IFT172: variants seen among roughly 807,000 people sequenced by gnomAD.
IFT172 encodes the protein intraflagellar transport protein 172 homolog.
IFT172 carries 164 observed loss-of-function variants against 248.9 expected under a neutral mutation model. The observed-to-expected ratio is 0.66, with a 90% CI of 0.58 to 0.75. The LOEUF is 0.75. Among genes scored for constraint, IFT172 ranks in the 30% least tolerant of loss-of-function variants. IFT172 has a pLI of 0.00. For missense variants in IFT172, 1,950 were observed against 2,192.4 expected (o/e 0.89, Z 2.21); for synonymous variants, 729 against 791.6 (o/e 0.92, Z 1.33).
Position 27,458,816 on chromosome 2 carries a change from A to AT in IFT172, c.2839dup (p.Met947AsnfsTer43). The AT allele has an allele frequency of 1.2e-6, 2 of 1,614,150 alleles. No homozygotes were observed. Among genetic ancestry groups the AT allele is most frequent in the East Asian group, 4.5e-5 (2 of 44,872 alleles). On this transcript the variant is annotated frameshift_variant, in exon 26 of 48. Coordinates refer to ENST00000260570, the MANE Select transcript of IFT172 (RefSeq NM_015662.3). LOFTEE classifies it high-confidence loss of function. ...TTCCCAACGACCAGCCTGGGTGTAC[A>AT]TGTCTATGGCATCTTTTGTCCGATC...
In IFT172 at chr2:27,456,656, G is replaced by A. The variant is rs1299474470; in HGVS notation, c.3229-3C>T. The A allele has an allele frequency of 2.5e-6, 4 of 1,612,296 alleles. No individual in the cohort carries two copies. The Admixed American group carries it at 6.7e-5, about 27-fold the overall frequency. ...GCCCCTCCTTGAGTTCTGGCCACCT[G>A]TAAAGCAAAGTCACTCAATAATCCT... On this transcript the variant is annotated splice_region_variant and splice_polypyrimidine_tract_variant and intron_variant, in intron 29 of 47. Coordinates refer to ENST00000260570, the MANE Select transcript of IFT172 (RefSeq NM_015662.3).
intron 14 of IFT172, 94 bp downstream of exon 14, chr2:27,476,547 A>T (rs1667966649): frequency 1.3e-6 from 1 of 759,968 alleles, no homozygotes; most frequent in Admixed American, 2.2e-5. Context: ...TGCGTCTCAG[A>T]TTCCTGCATT....
At chr2:27,450,143 C>T (rs763648791) in intron 35 of IFT172, 47 bp from the exon 36 acceptor site, 88 of 1,374,152 alleles carry the variant, frequency 6.4e-5, no homozygotes, top group South Asian at 5.5e-4. Flanking sequence ...AGACAAATAC[C>T]GCTGAGTCCT....
rs2148497069 is a variant in IFT172 at position 27,457,740 on chromosome 2, C to T, written c.3127G>A (p.Gly1043Ser). ...LHLGKELEAEGRLQEAEYHYL... is the reference protein window; with the variant it reads ...LHLGKELEAESRLQEAEYHYL... ...TGGTACTCAGCCTCCTGTAGTCGGC[C>T]TTCAGCCTCCAGCTCCTGCAGGAAG... The change falls in exon 29 of 48, where the codon GGC becomes AGC. Residue 1043 changes from glycine to serine, a missense_variant. Gly to Ser is a moderately conservative substitution (Grantham distance 56, BLOSUM62 0). Transcript: ENST00000260570. The T allele has an allele frequency of 1.2e-6, 2 of 1,614,074 alleles. No homozygotes were observed. Among genetic ancestry groups the T allele is most frequent in the African/African-American group, 1.3e-5 (1 of 74,998 alleles).
At position 27,454,477 on chromosome 2, in the gene IFT172, C is replaced by G; in HGVS notation, c.3466-59G>C. 1 of 1,613,230 alleles carries G rather than the reference C, an allele frequency of 6.2e-7. No individual in the cohort carries two copies. Among genetic ancestry groups the G allele is most frequent in the Non-Finnish European group, 8.5e-7 (1 of 1,179,324 alleles). On this transcript the variant is annotated intron_variant, in intron 31 of 47. Coordinates refer to ENST00000260570, the MANE Select transcript of IFT172 (RefSeq NM_015662.3). This position sits in a 1 kb window ranked among gnomAD's most constrained non-coding sequence, Gnocchi z 4.2. The stretch of plus-strand genomic sequence containing the variant: ...GAAGGAGACTGGCATCACAGGCAGG[C>G]ATGAGACTGGGGGTCTGCACACCCA...
At chr2:27,475,298 C>T (rs1667883658) in intron 14 of IFT172, among the ~76,000 whole-genome samples, 1 of 152,188 alleles carries the variant, frequency 6.6e-6, no homozygotes, top group Admixed American at 6.5e-5. Flanking sequence ...GAAGACACAG[C>T]TCCTCTATGA....
At chr2:27,458,001 C>A in intron 27 of IFT172, 25 bp from the exon 28 acceptor site, 1 of 1,614,010 alleles carries the variant, frequency 6.2e-7, no homozygotes, top group Non-Finnish European at 8.5e-7. Flanking sequence ...ACATCTGGGG[C>A]CTCCTAGACC....
At chr2:27,447,950 G>A (rs749761122) in intron 40 of IFT172, 28 bp from the exon 41 acceptor site, 5 of 1,328,430 alleles carry the variant, frequency 3.8e-6, no homozygotes, top group East Asian at 2.3e-5. Flanking sequence ...AAGGGGATCT[G>A]AGAAGGGCAT....
intron 8 of IFT172, among the ~76,000 whole-genome samples, 195 bp downstream of exon 8, chr2:27,480,851 A>C (rs1165086946): frequency 1.3e-5 from 2 of 152,204 alleles, no homozygotes; most frequent in Admixed American, 1.3e-4. Flanking sequence ...GCACAGAGAC[A>C]AAACAAGAGC....
chr2:27,453,254 C>T (rs770304227), intron 35 of IFT172, 130 bp downstream of exon 35: 1 of 1,199,224 alleles, frequency 8.3e-7, no homozygotes, highest in East Asian at 2.3e-5. Flanking sequence ...AGCAGGCACT[C>T]CATAGATTCC....
intron 18 of IFT172, chr2:27,465,111 G>A (rs1238787592): frequency 1.7e-5 from 5 of 301,504 alleles, no homozygotes; most frequent in East Asian, 6.9e-5. Flanking sequence ...TAGTAGAGAC[G>A]GGGTTTCACC....
At chr2:27,482,967 T>C (rs187737102) in intron 7 of IFT172, among the ~76,000 whole-genome samples, 7 of 150,532 alleles carry the variant, frequency 4.7e-5, no homozygotes, top group African/African-American at 1.7e-4. Flanking sequence ...CTAGGAGGGC[T>C]CCTGGAATTT....
Position 27,449,793 on chromosome 2 carries a change from T to C in IFT172, c.4058A>G (p.Glu1353Gly), listed in dbSNP as rs959765959. ...IGIGKHSAAAELYLNLDLVKE... is the reference protein window; with the variant it reads ...IGIGKHSAAAGLYLNLDLVKE... ...GACAAGGTCCAGATTCAGATAGAGC[T>C]CTGCAGCCTGCACAGTGGGAAATCA... The change falls in exon 37 of 48, where the codon GAG (glutamate) becomes GGG (glycine). Residue 1353 changes from glutamate (E) to glycine (G), a missense_variant. Coordinates refer to ENST00000260570, the MANE Select transcript of IFT172 (RefSeq NM_015662.3). 1 of 1,611,450 alleles carries C rather than the reference T, an allele frequency of 6.2e-7. No homozygotes were observed. The highest frequency in any genetic ancestry group is 8.5e-7 in the Non-Finnish European group (1 of 1,178,260).
rs559668627 is a variant in IFT172 at position 27,454,579 on chromosome 2, G to T, written c.3453C>A (p.Phe1151Leu). The T allele has an allele frequency of 3.1e-6, 5 of 1,614,058 alleles. No individual in the cohort carries two copies. In the African/African-American group the frequency reaches 6.7e-5, roughly 22 times the overall value. Residue 1151 changes from phenylalanine to leucine, a missense_variant, in exon 31 of 48, where the codon TTC becomes TTA. This residue lies in a region of IFT172 where 164 missense variants were observed against 239.3 expected (regional missense o/e 0.69). Coordinates refer to ENST00000260570, the MANE Select transcript of IFT172 (RefSeq NM_015662.3). This position sits in a 1 kb window ranked among gnomAD's most constrained non-coding sequence, Gnocchi z 4.2. ...TPEVHLKYAM[F>L]LEDEGKFEEA... ...ATCACACCCATACCTCATCCTCCAG[G>T]AACATAGCATATTTGAGATGAACCT...
chr2:27,470,701 C>T, intron 16 of IFT172: 1 of 390,512 alleles, frequency 2.6e-6, no homozygotes, highest in East Asian at 3.9e-5. Context: ...CTGGTGACTT[C>T]CCGGGGCCAC....
chr2:27,451,627 A>C (rs1425959994), intron 35 of IFT172, among the ~76,000 whole-genome samples: 1 of 152,134 alleles, frequency 6.6e-6, no homozygotes, highest in Non-Finnish European at 1.5e-5. Flanking sequence ...TTAGCCCGGC[A>C]TGATGGTGGG....
Position 27,458,817 on chromosome 2 carries a change from T to C in IFT172, c.2839A>G (p.Met947Val), listed in dbSNP as rs774401568. 1.2e-6 allele frequency: 2 copies of C among 1,614,054 alleles called. No homozygotes were observed. The highest frequency in any genetic ancestry group is 1.3e-5 in the African/African-American group (1 of 74,928). Residue 947 changes from methionine to valine, a missense_variant, in exon 26 of 48, where the codon ATG becomes GTG. Met to Val is a conservative substitution (Grantham distance 21, BLOSUM62 1). Coordinates refer to ENST00000260570, the MANE Select transcript of IFT172 (RefSeq NM_015662.3). ...KGDRTKDAID[M>V]YTQAGRWEQA... ...TCCCAACGACCAGCCTGGGTGTACATGTCTATGGCATCTTTTGTCCGATCT... is the reference window on the plus strand; with the variant it reads ...TCCCAACGACCAGCCTGGGTGTACACGTCTATGGCATCTTTTGTCCGATCT...
At chr2:27,477,663 TGCCGAAAG>T in intron 11 of IFT172, 51 bp from the exon 12 acceptor site, 2 of 1,234,914 alleles carry the variant, frequency 1.6e-6, no homozygotes. Flanking sequence ...CCCAAGATAA[TGCCGAAAG>T]AATGAAGAAT....
chr2:27,463,243 G>T, intron 18 of IFT172, 62 bp from the exon 19 acceptor site: 1 of 1,467,660 alleles, frequency 6.8e-7, no homozygotes, highest in Non-Finnish European at 9.5e-7. Context: ...TTAATTCATT[G>T]GTTCAGCAAA....
Sources: gnomAD v4.1 joint callset for allele counts (sites outside exome capture counted in the v4.1 genomes callset) on GRCh38, gnomAD v4.1.1 for gene constraint, gnomAD v4.1.1 regional missense constraint, Gnocchi (gnomAD v3.1) non-coding constraint, MANE v1.5 for transcripts, NCBI Gene and HGNC (gene_info 2026-07-23, HGNC 2026-07-21) for gene names.